The following SEZ6L variants were observed in gnomAD, a reference collection of about 807,000 sequenced individuals.
SEZ6L encodes the protein seizure related 6 homolog like.
A neutral mutation model predicts 106.2 loss-of-function variants in SEZ6L; 37 were observed. The ratio of observed to expected loss-of-function variants is 0.35; its 90% CI spans 0.27 to 0.46. SEZ6L has a LOEUF of 0.46. Among genes scored for constraint, SEZ6L ranks in the 20% least tolerant of loss-of-function variants. The probability of loss-of-function intolerance (pLI) is 1.00; values close to 1 mark genes in which losing one functional copy is unlikely to be tolerated. For missense variants in SEZ6L, 1,172 were observed against 1,332.8 expected (o/e 0.88, Z 1.88); for synonymous variants, 541 against 570.4 (o/e 0.95, Z 0.73).
chr22:26,348,703 A>AAAGAAAGAAAGCAAGC (rs1207033331), intron 11 of SEZ6L, among the ~76,000 whole-genome samples: 1 of 41,480 alleles, frequency 2.4e-5, no homozygotes, highest in Non-Finnish European at 4.4e-5. Flanking sequence ...AGAAAGAAAG[A>AAAGAAAGAAAGCAAGC]AGGCAAGGGA....
chr22:26,217,228 C>T (rs1158449574), intron 1 of SEZ6L, among the ~76,000 whole-genome samples: 1 of 152,216 alleles, frequency 6.6e-6, no homozygotes, highest in Admixed American at 6.5e-5. Context: ...CTTCCCACCA[C>T]CATAGTGACA....
chr22:26,350,597 C>G (rs2083241924), intron 11 of SEZ6L, among the ~76,000 whole-genome samples: 1 of 151,912 alleles, frequency 6.6e-6, no homozygotes, highest in Non-Finnish European at 1.5e-5. Flanking sequence ...TATTCTCCAG[C>G]CACCTATCAA....
chr22:26,263,010 T>C (rs1430160162), intron 1 of SEZ6L, among the ~76,000 whole-genome samples: 1 of 152,196 alleles, frequency 6.6e-6, no homozygotes, highest in Non-Finnish European at 1.5e-5. Context: ...AGTCTCAGAA[T>C]TAATGTCATT....
chr22:26,229,185 C>T (rs528238335), intron 1 of SEZ6L, among the ~76,000 whole-genome samples: 18 of 152,216 alleles, frequency 1.2e-4, no homozygotes, highest in Admixed American at 1.3e-4. Context: ...CTACTAGAGT[C>T]GGGGTTTCAC....
At chr22:26,234,418 G>C (rs940058989) in intron 1 of SEZ6L, among the ~76,000 whole-genome samples, 1 of 152,214 alleles carries the variant, frequency 6.6e-6, no homozygotes, top group Non-Finnish European at 1.5e-5. Flanking sequence ...TAGCAGCTGC[G>C]AGTAAAAAAT....
In SEZ6L at chr22:26,340,579, A is replaced by G. The variant is rs1266388680; in HGVS notation, c.2159A>G (p.Asp720Gly). The change falls in exon 10 of 17, where the codon GAC becomes GGC. Residue 720 changes from aspartate (D) to glycine (G), a missense_variant. By Grantham distance (94) the Asp-to-Gly change is moderately conservative. Around this residue, in one of 4 missense-constraint regions of SEZ6L, gnomAD observed 534 missense variants for 691.0 expected, o/e 0.77. Transcript: ENST00000248933. ...GACTTAACCATCCAGTTCCATTCGG[A>G]CCCTGCTGGCCTCATCTTTGGAAAG... ...TPDLTIQFHS[D>G]PAGLIFGKGQ... The G allele has an allele frequency of 6.2e-7, 1 of 1,613,872 alleles. No individual in the cohort carries two copies. Among genetic ancestry groups the G allele is most frequent in the Non-Finnish European group, 8.5e-7 (1 of 1,180,004 alleles).
intron 1 of SEZ6L, among the ~76,000 whole-genome samples, chr22:26,289,294 T>C (rs1048481880): frequency 6.6e-6 from 1 of 152,116 alleles, no homozygotes; most frequent in Admixed American, 6.5e-5. Context: ...CACTCCACAG[T>C]CTACAAAGAT....
chr22:26,246,082 G>A (rs1341880525), intron 1 of SEZ6L, among the ~76,000 whole-genome samples: 1 of 152,128 alleles, frequency 6.6e-6, no homozygotes, highest in Non-Finnish European at 1.5e-5. Context: ...ATTGCTTGTG[G>A]GTGTTGAAAC....
intron 1 of SEZ6L, among the ~76,000 whole-genome samples, chr22:26,176,295 T>C (rs1260730667): frequency 1.3e-5 from 2 of 152,232 alleles, no homozygotes; most frequent in Non-Finnish European, 2.9e-5. Context: ...GGCATGAAGA[T>C]GTGGGTATCA....
chr22:26,263,205 T>A (rs1384129101), intron 1 of SEZ6L, among the ~76,000 whole-genome samples: 1 of 152,210 alleles, frequency 6.6e-6, no homozygotes, highest in Non-Finnish European at 1.5e-5. Context: ...CCTGCAGAGT[T>A]TACAGTCCTG....
chr22:26,189,074 A>G (rs898502134), intron 1 of SEZ6L, among the ~76,000 whole-genome samples: 3 of 152,216 alleles, frequency 2.0e-5, no homozygotes, highest in Non-Finnish European at 2.9e-5. Flanking sequence ...GTTATAAGTC[A>G]TAGTTTATAA....
At chr22:26,355,661 C>T (rs1185261445) in intron 12 of SEZ6L, among the ~76,000 whole-genome samples, 4 of 152,172 alleles carry the variant, frequency 2.6e-5, no homozygotes, top group Non-Finnish European at 5.9e-5. Context: ...GCTCAGGTGG[C>T]GGAGGTTGCA....
At chr22:26,266,577 AT>A (rs2080194138) in intron 1 of SEZ6L, among the ~76,000 whole-genome samples, 2 of 11,240 alleles carry the variant, frequency 1.8e-4, no homozygotes, top group African/African-American at 1.5e-3. Flanking sequence ...CGTCTCAAAA[AT>A]AAATAAATAA....
At chr22:26,306,223 A>C (rs2145913727) in intron 6 of SEZ6L, 79 bp downstream of exon 6, 1 of 1,506,664 alleles carries the variant, frequency 6.6e-7, no homozygotes, top group East Asian at 2.3e-5. Flanking sequence ...GGAGTCTTGA[A>C]ATGGCTGAAG....
intron 1 of SEZ6L, among the ~76,000 whole-genome samples, chr22:26,233,410 T>C (rs1202735836): frequency 6.6e-6 from 1 of 152,144 alleles, no homozygotes; most frequent in Non-Finnish European, 1.5e-5. Context: ...AAGTCCTCAC[T>C]CTCCACCTTC....
chr22:26,294,887 T>TGC (rs1569449977), intron 3 of SEZ6L, among the ~76,000 whole-genome samples: 3,452 of 144,442 alleles, frequency 0.024, 329 homozygotes, highest in African/African-American at 0.084. Context: ...CTTTCTTTCT[T>TGC]TCTTGCTTGC....
At chr22:26,365,299 C>CAGA in intron 12 of SEZ6L, 73 bp from the exon 13 acceptor site, 1 of 1,354,710 alleles carries the variant, frequency 7.4e-7, no homozygotes, top group Non-Finnish European at 1.0e-6. Context: ...AAAGCTAGAT[C>CAGA]ACACGGGTTC....
At chr22:26,197,834 CA>C (rs1940675409) in intron 1 of SEZ6L, among the ~76,000 whole-genome samples, 2 of 152,172 alleles carry the variant, frequency 1.3e-5, no homozygotes, top group Admixed American at 6.5e-5. Context: ...GGGTTGCTTT[CA>C]AGCTGCTACC....
intron 1 of SEZ6L, among the ~76,000 whole-genome samples, chr22:26,229,860 A>G (rs1397441276): frequency 6.6e-6 from 1 of 152,208 alleles, no homozygotes; most frequent in Non-Finnish European, 1.5e-5. Flanking sequence ...AGGTGTTAAC[A>G]AATGCCCCCT....
Sources: gnomAD v4.1 joint callset for allele counts (sites outside exome capture counted in the v4.1 genomes callset) on GRCh38, gnomAD v4.1.1 for gene constraint, gnomAD v4.1.1 regional missense constraint, MANE v1.5 for transcripts, NCBI Gene and HGNC (gene_info 2026-07-23, HGNC 2026-07-21) for gene names.